PPP3CA: variants seen among roughly 807,000 people sequenced by gnomAD.
PPP3CA encodes CAM-PRP catalytic subunit.
In PPP3CA, 14 loss-of-function variants were observed where a neutral mutation model predicts 66.5. The observed-to-expected ratio is 0.21, with a 90% CI of 0.14 to 0.33. PPP3CA has a LOEUF of 0.33. Among genes scored for constraint, PPP3CA ranks in the 10% least tolerant of loss-of-function variants. PPP3CA has a pLI of 1.00. For missense variants in PPP3CA, 317 were observed against 639.5 expected (o/e 0.50, Z 5.44); for synonymous variants, 232 against 226.2 (o/e 1.03, Z -0.23).
chr4:101,061,189 G>T (rs1728445968), intron 9 of PPP3CA, 28 bp from the exon 10 acceptor site: 8 of 1,587,638 alleles, frequency 5.0e-6, no homozygotes, highest in Non-Finnish European at 6.9e-6. Context: ...AGAAAGAAAA[G>T]TCAGGGTTTT....
chr4:101,117,389 A>G (rs1451579447), intron 2 of PPP3CA, among the ~76,000 whole-genome samples: 1 of 151,712 alleles, frequency 6.6e-6, no homozygotes, highest in African/African-American at 2.4e-5. Context: ...AAGTAAATTA[A>G]TGCAACCTAT....
At chr4:101,226,026 T>G (rs1380841048) in intron 1 of PPP3CA, among the ~76,000 whole-genome samples, 1 of 151,810 alleles carries the variant, frequency 6.6e-6, no homozygotes, top group African/African-American at 2.4e-5. Flanking sequence ...ATAGTAATGC[T>G]GACATCCCTG....
chr4:101,195,857 T>G, intron 2 of PPP3CA, 59 bp downstream of exon 2: 1 of 1,472,064 alleles, frequency 6.8e-7, no homozygotes, highest in Non-Finnish European at 9.3e-7. Context: ...ACTTTTGATT[T>G]CATGCTATAA....
rs151089367 is a variant in PPP3CA, at chr4:101,337,008, G to A, written c.58+9731C>T. Reference sequence around the variant, plus strand: ...TTCTCCCCAGCAAATAGAGGGTTCTGAGCCAGACAGAAAATTAGATTTCCA... The same window carrying A: ...TTCTCCCCAGCAAATAGAGGGTTCTAAGCCAGACAGAAAATTAGATTTCCA... On this transcript the variant is annotated intron_variant, in intron 1 of 13. Coordinates refer to ENST00000394854, the MANE Select transcript of PPP3CA (RefSeq NM_000944.5). 1.3e-3 allele frequency among the ~76,000 whole-genome samples: 201 copies of A among 152,262 alleles called. 1 individual carries two copies. The highest frequency in any genetic ancestry group is 4.7e-3 in the African/African-American group (197 of 41,538).
At chr4:101,072,543 G>A (rs935609314) in intron 8 of PPP3CA, among the ~76,000 whole-genome samples, 1 of 152,034 alleles carries the variant, frequency 6.6e-6, no homozygotes, top group Non-Finnish European at 1.5e-5. Context: ...TAATTCATAG[G>A]GTTGTTGAAA....
At chr4:101,292,836 G>A (rs1338081934) in intron 1 of PPP3CA, among the ~76,000 whole-genome samples, 1 of 152,174 alleles carries the variant, frequency 6.6e-6, no homozygotes, top group Admixed American at 6.5e-5. Flanking sequence ...AGGGAAGAAA[G>A]TGTTTTTCTC....
chr4:101,164,219 C>A (rs1723614517), intron 2 of PPP3CA, among the ~76,000 whole-genome samples: 1 of 149,398 alleles, frequency 6.7e-6, no homozygotes, highest in African/African-American at 2.5e-5. Flanking sequence ...CACCCACCCT[C>A]ACCCTGCCAC....
chr4:101,255,030 C>T (rs1336925237), intron 1 of PPP3CA, among the ~76,000 whole-genome samples: 3 of 139,164 alleles, frequency 2.2e-5, no homozygotes, highest in South Asian at 2.2e-4. Context: ...GCATGAGTCC[C>T]GTCTCAAAAA....
At chr4:101,173,079 T>C (rs990021413) in intron 2 of PPP3CA, among the ~76,000 whole-genome samples, 1 of 152,124 alleles carries the variant, frequency 6.6e-6, no homozygotes, top group African/African-American at 2.4e-5. Context: ...TTCTTCCTCT[T>C]AGTGTAAAAG....
chr4:101,274,908 A>G (rs1044046098), intron 1 of PPP3CA, among the ~76,000 whole-genome samples: 8 of 152,210 alleles, frequency 5.3e-5, no homozygotes, highest in African/African-American at 1.9e-4. Context: ...AAAACAATTC[A>G]TATGAGATAA....
intron 1 of PPP3CA, among the ~76,000 whole-genome samples, chr4:101,284,946 T>A (rs1727792241): frequency 6.6e-6 from 1 of 152,180 alleles, no homozygotes; most frequent in Non-Finnish European, 1.5e-5. Flanking sequence ...ATATGGGGAT[T>A]AAAATGTCAT....
At chr4:101,089,221 T>G (rs1729805585) in intron 6 of PPP3CA, among the ~76,000 whole-genome samples, 1 of 150,336 alleles carries the variant, frequency 6.7e-6, no homozygotes, top group African/African-American at 2.5e-5. Context: ...TAGAGGAAAG[T>G]GTGAAGAAAA....
intron 1 of PPP3CA, among the ~76,000 whole-genome samples, chr4:101,311,302 T>C (rs568004273): frequency 2.0e-5 from 3 of 152,336 alleles, no homozygotes; most frequent in African/African-American, 7.2e-5. Flanking sequence ...ATTCTTTACA[T>C]TATCTCATTT....
At chr4:101,123,659 G>T (rs1047342557) in intron 2 of PPP3CA, among the ~76,000 whole-genome samples, 2 of 152,052 alleles carry the variant, frequency 1.3e-5, no homozygotes, top group African/African-American at 2.4e-5. Flanking sequence ...GGTGAAACCA[G>T]ATCTCTACAA....
chr4:101,278,754 C>T (rs1727590097), intron 1 of PPP3CA, among the ~76,000 whole-genome samples: 1 of 152,010 alleles, frequency 6.6e-6, no homozygotes, highest in Non-Finnish European at 1.5e-5. Context: ...GAAGTTCACC[C>T]TGGTCATAAG....
intron 2 of PPP3CA, among the ~76,000 whole-genome samples, chr4:101,180,759 C>T (rs1224495828): frequency 2.0e-5 from 3 of 152,094 alleles, no homozygotes; most frequent in Non-Finnish European, 4.4e-5. Context: ...TTTGGCCAGG[C>T]GCAGTGGCTC....
chr4:101,159,695 C>T (rs1020791376), intron 2 of PPP3CA, among the ~76,000 whole-genome samples: 17 of 152,104 alleles, frequency 1.1e-4, no homozygotes, highest in Admixed American at 8.5e-4. Flanking sequence ...TATTCCCATC[C>T]TATGTGCTAT....
chr4:101,124,739 GAAAGAAAGAA>G (rs1560614544), intron 2 of PPP3CA, among the ~76,000 whole-genome samples: 61 of 87,324 alleles, frequency 7.0e-4, no homozygotes, highest in South Asian at 1.8e-3. Context: ...AAGAAAGAAA[GAAAGAAAGAA>G]AGAAAGAAAG....
intron 1 of PPP3CA, among the ~76,000 whole-genome samples, chr4:101,281,244 A>G (rs1346176750): frequency 3.9e-5 from 6 of 152,250 alleles, no homozygotes; most frequent in African/African-American, 1.4e-4. Context: ...TGAGACAGTG[A>G]ACGTACATAA....
Sources: gnomAD v4.1 joint callset for allele counts (sites outside exome capture counted in the v4.1 genomes callset) on GRCh38, gnomAD v4.1.1 for gene constraint, MANE v1.5 for transcripts, NCBI Gene and HGNC (gene_info 2026-07-23, HGNC 2026-07-21) for gene names.